The following ABLIM1 variants were observed in gnomAD, a reference collection of about 807,000 sequenced individuals.
ABLIM1 encodes the protein actin-binding LIM protein 1.
In ABLIM1, 40 loss-of-function variants were observed where a neutral mutation model predicts 107.0. The observed-to-expected ratio is 0.37, with a 90% CI of 0.29 to 0.49. ABLIM1 has a LOEUF of 0.49. Among genes scored for constraint, ABLIM1 ranks in the 20% least tolerant of loss-of-function variants. The pLI is 0.97. For synonymous variants in ABLIM1, 357 were observed against 357.3 expected, an observed-to-expected ratio of 1.00 and a Z score of 0.01; for missense variants, 857 against 1,008.5, an observed-to-expected ratio of 0.85 and a Z score of 2.04.
At chr10:114,587,251 G>C (rs560964396) in intron 2 of ABLIM1, among the ~76,000 whole-genome samples, 1 of 152,264 alleles carries the variant, frequency 6.6e-6, no homozygotes, top group South Asian at 2.1e-4. Context: ...TGTCTTGATG[G>C]ATTGAAAATT....
chr10:114,555,096 T>C (rs1341553716), intron 4 of ABLIM1, among the ~76,000 whole-genome samples: 1 of 152,208 alleles, frequency 6.6e-6, no homozygotes, highest in Non-Finnish European at 1.5e-5. Flanking sequence ...ACATTTCCTC[T>C]TCCCTTTAAA....
At chr10:114,478,466 T>C (rs771681631) in intron 8 of ABLIM1, among the ~76,000 whole-genome samples, 1 of 151,878 alleles carries the variant, frequency 6.6e-6, no homozygotes, top group Non-Finnish European at 1.5e-5. Context: ...GGGAGAGAGG[T>C]GATTGGATTG....
At chr10:114,605,779 A>T (rs1333972134) in intron 1 of ABLIM1, among the ~76,000 whole-genome samples, 3 of 152,152 alleles carry the variant, frequency 2.0e-5, no homozygotes, top group Non-Finnish European at 4.4e-5. Context: ...AGTTTAGAGG[A>T]ATTCTCACTA....
At chr10:114,580,406 T>C (rs943153099) in intron 2 of ABLIM1, among the ~76,000 whole-genome samples, 5 of 152,048 alleles carry the variant, frequency 3.3e-5, no homozygotes, top group African/African-American at 1.2e-4. Flanking sequence ...CAGGCTGGTT[T>C]CTTGCTATAT....
chr10:114,468,239 A>C (rs1044901129), intron 10 of ABLIM1, 23 bp from the exon 11 acceptor site: 14 of 1,609,384 alleles, frequency 8.7e-6, no homozygotes, highest in African/African-American at 1.3e-5. Context: ...AAGAGAATTT[A>C]AAGTCACAAT....
chr10:114,749,831 C>T (rs944572498), intron 1 of ABLIM1, among the ~76,000 whole-genome samples: 1 of 152,072 alleles, frequency 6.6e-6, no homozygotes, highest in Non-Finnish European at 1.5e-5. Flanking sequence ...CCAGATACTC[C>T]CATAGCTCGC....
Position 114,444,122 on chromosome 10 carries a change from G to A in ABLIM1, c.1840C>T (p.Leu614=), listed in dbSNP as rs755561053. 1.3e-6 allele frequency: 2 copies of A among 1,597,024 alleles called. No homozygotes were observed. Among genetic ancestry groups the A allele is most frequent in the Non-Finnish European group, 1.7e-6 (2 of 1,174,404 alleles). Residue 614 remains leucine, a synonymous_variant, in exon 17 of 23, where the codon CTG becomes TTG. Coordinates refer to ENST00000533213, the MANE Select transcript of ABLIM1 (RefSeq NM_002313.7). ...TCTTCTTTCAAGATCAACTGTCCCA[G>A]GCCTGAGTTAAGCTATTCACAGAAA... The part of the protein sequence containing the change: ...EEQLMKLNSG[L]GQLILKEEME...
At chr10:114,724,900 C>G (rs1360118884) in intron 1 of ABLIM1, among the ~76,000 whole-genome samples, 4 of 152,228 alleles carry the variant, frequency 2.6e-5, no homozygotes, top group African/African-American at 9.6e-5. Flanking sequence ...TGCCCAATGT[C>G]TGCCTTGCTT....
chr10:114,765,400 A>C (rs1230753836), intron 1 of ABLIM1, among the ~76,000 whole-genome samples: 1 of 152,164 alleles, frequency 6.6e-6, no homozygotes, highest in African/African-American at 2.4e-5. Flanking sequence ...CATAATCTAC[A>C]AGCCTAGATA....
chr10:114,597,201 G>A (rs1295382742), intron 2 of ABLIM1, among the ~76,000 whole-genome samples: 3 of 152,202 alleles, frequency 2.0e-5, no homozygotes, highest in Non-Finnish European at 4.4e-5. Flanking sequence ...GGGCTAGGAG[G>A]AAGACAGCAT....
intron 1 of ABLIM1, among the ~76,000 whole-genome samples, chr10:114,653,266 G>C (rs146139237): frequency 6.6e-6 from 1 of 152,240 alleles, no homozygotes; most frequent in African/African-American, 2.4e-5. Flanking sequence ...CACAGGCGAG[G>C]TATGGTGGCT....
intron 4 of ABLIM1, among the ~76,000 whole-genome samples, chr10:114,566,008 G>T (rs1036035998): frequency 6.6e-5 from 10 of 152,024 alleles, no homozygotes; most frequent in Non-Finnish European, 7.4e-5. Context: ...TGTTAGCCAG[G>T]ATGGTCTCTA....
At chr10:114,608,739 G>C (rs1459676428) in intron 1 of ABLIM1, among the ~76,000 whole-genome samples, 1 of 152,086 alleles carries the variant, frequency 6.6e-6, no homozygotes, top group African/African-American at 2.4e-5. Flanking sequence ...CAAAGGCTGG[G>C]CACGGTGGCT....
intron 1 of ABLIM1, among the ~76,000 whole-genome samples, chr10:114,706,507 A>C (rs2081424333): frequency 6.6e-6 from 1 of 152,246 alleles, no homozygotes; most frequent in Non-Finnish European, 1.5e-5. Flanking sequence ...ACATGCTGGA[A>C]GCACAAACAA....
rs1572107 is a variant in ABLIM1, at chr10:114,682,784, G to A, written c.64+1506C>T. On this transcript the variant is annotated intron_variant, in intron 1 of 23. Coordinates refer to the ABLIM1 transcript ENST00000369256. The stretch of plus-strand genomic sequence containing the variant: ...TTAAAAAACAAGGAAGAGAAAGAAC[G>A]TTGTTCTTTCTGGCTTGACCACTAA... Among the ~76,000 whole-genome samples the A allele has an allele frequency of 4.3e-3, 657 of 152,196 alleles. 3 individuals carry two copies. The highest frequency in any genetic ancestry group is 7.2e-3 in the Non-Finnish European group (492 of 67,994).
At chr10:114,709,835 T>G (rs1329922078) in intron 1 of ABLIM1, among the ~76,000 whole-genome samples, 1 of 152,250 alleles carries the variant, frequency 6.6e-6, no homozygotes, top group African/African-American at 2.4e-5. Context: ...TGTCATTTGT[T>G]GTGACTTTTT....
Position 114,465,756 on chromosome 10 carries a change from G to A in ABLIM1, c.1383C>T (p.Tyr461=). 1 of 1,614,118 alleles carries A rather than the reference G, an allele frequency of 6.2e-7. No individual in the cohort carries two copies. Among genetic ancestry groups the A allele is most frequent in the South Asian group, 1.1e-5 (1 of 91,078 alleles). Residue 461 remains tyrosine, a synonymous_variant, in exon 12 of 23, where the codon TAC becomes TAT. Transcript: ENST00000533213. The part of the protein sequence containing the change: ...TSQGSINSPV[Y]SRHSYTPTTS... ...TGGTTGGAGTGTAGCTGTGGCGGCT[G>A]TACACAGGGGAGTTGATGGAGCCCT...
intron 1 of ABLIM1, among the ~76,000 whole-genome samples, chr10:114,740,200 G>A (rs1346501172): frequency 6.6e-6 from 1 of 152,000 alleles, no homozygotes; most frequent in African/African-American, 2.4e-5. Context: ...CTAAGACTGG[G>A]AAATGCTAGT....
At chr10:114,529,126 CTT>C (rs548411103) in intron 6 of ABLIM1, among the ~76,000 whole-genome samples, 19 of 140,280 alleles carry the variant, frequency 1.4e-4, no homozygotes, top group Admixed American at 1.4e-4. Flanking sequence ...TCTTCATCCT[CTT>C]TTTTTTTTTT....
Sources: gnomAD v4.1 joint callset for allele counts (sites outside exome capture counted in the v4.1 genomes callset) on GRCh38, gnomAD v4.1.1 for gene constraint, MANE v1.5 for transcripts, NCBI Gene and HGNC (gene_info 2026-07-23, HGNC 2026-07-21) for gene names.